The following SLC33A1 variants were observed in gnomAD, a reference collection of about 807,000 sequenced individuals.
SLC33A1 encodes solute carrier family 33 member 1, also known as acetyl-coenzyme A transporter 1.
A neutral mutation model predicts 50.0 loss-of-function variants in SLC33A1; 20 were observed. The ratio of observed to expected loss-of-function variants is 0.40; its 90% CI spans 0.28 to 0.58. The LOEUF (loss-of-function observed/expected upper bound fraction) is 0.58. Ranked by LOEUF, SLC33A1 falls within the 20% of genes least tolerant of loss-of-function variation. The pLI, the probability that SLC33A1 is intolerant of heterozygous loss-of-function variation, is 0.44. For synonymous variants in SLC33A1, 265 were observed against 251.8 expected (o/e 1.05, Z -0.50); for missense variants, 476 against 657.0 (o/e 0.72, Z 3.01).
chr3:155,833,087 A>G (rs1752509669), intron 4 of SLC33A1, among the ~76,000 whole-genome samples: 1 of 152,020 alleles, frequency 6.6e-6, no homozygotes, highest in Non-Finnish European at 1.5e-5. Context: ...TATCTCTACT[A>G]AAAATACAAA....
In SLC33A1 at chr3:155,854,148, C is replaced by T. The variant is rs2108020211; in HGVS notation, c.-151G>A. 3.5e-6 allele frequency: 2 copies of T among 574,354 alleles called. No homozygotes were observed. The highest frequency in any genetic ancestry group is 3.3e-5 in the South Asian group (1 of 30,336). The allele number at this position is 574,354 out of a possible 1,614,324, so 35.6% of individuals were successfully genotyped here. A position where few individuals can be genotyped will look rare whatever the true frequency, so the allele number is the denominator to read the frequency against. The stretch of plus-strand genomic sequence containing the variant: ...CTCAGAGCGATAAGGGCACTTCTTA[C>T]TGCAGCCCGGAGTGCTGAAGCCGGG... On this transcript the variant is annotated 5_prime_UTR_variant, in exon 1 of 6. Transcript: ENST00000643144.
chr3:155,835,802 G>A (rs1275771901), intron 2 of SLC33A1, among the ~76,000 whole-genome samples: 1 of 151,822 alleles, frequency 6.6e-6, no homozygotes, highest in Non-Finnish European at 1.5e-5. Context: ...CACAGATCTG[G>A]CAACACATTT....
chr3:155,844,015 CTGATCA>C (rs1753029434), intron 1 of SLC33A1, among the ~76,000 whole-genome samples: 1 of 152,142 alleles, frequency 6.6e-6, no homozygotes, highest in Non-Finnish European at 1.5e-5. Flanking sequence ...TGTGGCACAA[CTGATCA>C]AGGACCCTAA....
At chr3:155,828,421 G>A in intron 5 of SLC33A1, 44 bp from the exon 6 acceptor site, 3 of 1,204,172 alleles carry the variant, frequency 2.5e-6, no homozygotes, top group Non-Finnish European at 3.7e-6. Context: ...ATTTCAAAAT[G>A]AAAGTATTTA....
Position 155,825,641 on chromosome 3 carries a change from C to T in SLC33A1, c.*2569G>A, listed in dbSNP as rs1752180523. 6.6e-6 allele frequency: 1 copy of T among 152,186 alleles called. No homozygotes were observed. The highest frequency in any genetic ancestry group is 2.1e-4 in the South Asian group (1 of 4,830). 9.4% of individuals were successfully genotyped at this position (152,186 alleles called of 1,614,324 possible). A position where few individuals can be genotyped will look rare whatever the true frequency, so the allele number is the denominator to read the frequency against. ...TAATCTCAGAAGAACTTTTCAAACT[C>T]AGATGTATATATGCGGCAACCAATG... On this transcript the variant is annotated 3_prime_UTR_variant, in exon 6 of 6. Transcript: ENST00000643144.
chr3:155,822,040 T>C lies in SLC33A1; in HGVS notation c.*6170A>G, dbSNP rs764854019. 4 of 152,014 alleles carry C rather than the reference T, an allele frequency of 2.6e-5. No individual in the cohort carries two copies. Among genetic ancestry groups the C allele is most frequent in the African/African-American group, 4.8e-5 (2 of 41,406 alleles). The allele number at this position is 152,014 out of a possible 1,614,324, so 9.4% of individuals were successfully genotyped here. A position where few individuals can be genotyped will look rare whatever the true frequency, so the allele number is the denominator to read the frequency against. ...CTCCTGCCTAAGCCTCCCAAACTAA[T>C]GGGACTACAGGTGTAAGCCAACACA... is the stretch of plus-strand genomic sequence containing the variant. On this transcript the variant is annotated 3_prime_UTR_variant, in exon 6 of 6. Transcript: ENST00000643144.
In SLC33A1 at chr3:155,828,134, G is replaced by A. The variant is rs1355441331; in HGVS notation, c.*76C>T. The A allele has an allele frequency of 3.9e-6, 4 of 1,017,296 alleles. No homozygotes were observed. Among genetic ancestry groups the A allele is most frequent in the South Asian group, 1.3e-5 (1 of 78,636 alleles). 63.0% of individuals were successfully genotyped at this position (1,017,296 alleles called of 1,614,324 possible). ...GTTTAAAATAATATTTTATACTCCT[G>A]TGCACTGATTATCATTGCTCTCCGA... On this transcript the variant is annotated 3_prime_UTR_variant, in exon 6 of 6. Transcript: ENST00000643144.
In SLC33A1 at chr3:155,835,805, A is replaced by G. The variant is rs1399430314; in HGVS notation, c.964-1764T>C. ...CTTGCATTTCACCACAGATCTGGCA[A>G]CACATTTTTCCAGGACACCTCTCTG... On this transcript the variant is annotated intron_variant, in intron 2 of 5. Coordinates refer to ENST00000643144, the MANE Select transcript of SLC33A1 (RefSeq NM_004733.4). Among the ~76,000 whole-genome samples the G allele has an allele frequency of 4.6e-5, 7 of 152,190 alleles. No homozygotes were observed. In the East Asian group the frequency reaches 1.4e-3, roughly 29 times the overall value.
At position 155,829,570 on chromosome 3, in the gene SLC33A1, A is replaced by G. The variant is rs929263973; in HGVS notation, c.1482+118T>C. Reference sequence around the variant, plus strand: ...AAGAAAATATATATGTAGATTTCTAAACCAGAACCTATGGACAGATATGAT... The same window carrying G: ...AAGAAAATATATATGTAGATTTCTAGACCAGAACCTATGGACAGATATGAT... On this transcript the variant is annotated intron_variant, in intron 5 of 5. Transcript: ENST00000643144. 1.5e-5 allele frequency: 11 copies of G among 756,762 alleles called. No individual in the cohort carries two copies. The East Asian group carries it at 2.9e-4, about 20-fold the overall frequency. The allele number at this position is 756,762 out of a possible 1,614,324, so 46.9% of individuals were successfully genotyped here.
chr3:155,853,076 A>G, intron 1 of SLC33A1, 147 bp downstream of exon 1: 1 of 708,748 alleles, frequency 1.4e-6, no homozygotes, highest in Non-Finnish European at 2.4e-6. Context: ...AATATTTCAA[A>G]GAAGCTCATT....
intron 4 of SLC33A1, among the ~76,000 whole-genome samples, chr3:155,832,133 T>G (rs1752461483): frequency 6.6e-6 from 1 of 152,112 alleles, no homozygotes; most frequent in Non-Finnish European, 1.5e-5. Flanking sequence ...ATCCCAGCAC[T>G]CTGGGAGGCT....
intron 5 of SLC33A1, 110 bp downstream of exon 5, chr3:155,829,578 C>T (rs181426789): frequency 1.3e-6 from 1 of 797,658 alleles, no homozygotes; most frequent in Admixed American, 2.1e-5. Context: ...TAAACCAGAA[C>T]CTATGGACAG....
In SLC33A1 at chr3:155,824,661, G is replaced by A. The variant is rs1752162518; in HGVS notation, c.*3549C>T. 1 of 151,590 alleles carries A rather than the reference G, an allele frequency of 6.6e-6. No individual in the cohort carries two copies. Among genetic ancestry groups the A allele is most frequent in the African/African-American group, 2.4e-5 (1 of 41,210 alleles). 9.4% of individuals were successfully genotyped at this position (151,590 alleles called of 1,614,324 possible). A position where few individuals can be genotyped will look rare whatever the true frequency, so the allele number is the denominator to read the frequency against. ...AAACACTTTCACAACTATTACCTCA[G>A]ATTTGTGATTATGGCTTATAGTACG... is the stretch of plus-strand genomic sequence containing the variant. On this transcript the variant is annotated 3_prime_UTR_variant, in exon 6 of 6. Transcript: ENST00000643144.
intron 2 of SLC33A1, among the ~76,000 whole-genome samples, chr3:155,837,552 G>A (rs1193807229): frequency 1.3e-5 from 2 of 152,008 alleles, no homozygotes; most frequent in East Asian, 3.9e-4. Context: ...TGAGAAATGT[G>A]CACCTATCTT....
intron 1 of SLC33A1, among the ~76,000 whole-genome samples, chr3:155,852,024 T>C (rs1438680385): frequency 6.6e-6 from 1 of 152,208 alleles, no homozygotes; most frequent in Non-Finnish European, 1.5e-5. Context: ...GTTGCTTAAA[T>C]TTCAAAACAG....
At chr3:155,847,317 T>C (rs1346050761) in intron 1 of SLC33A1, among the ~76,000 whole-genome samples, 1 of 152,224 alleles carries the variant, frequency 6.6e-6, no homozygotes, top group Non-Finnish European at 1.5e-5. Context: ...GAATACCTGG[T>C]CTATCTAGAA....
At position 155,822,146 on chromosome 3, in the gene SLC33A1, TA is replaced by T. The variant is rs979010834; in HGVS notation, c.*6063del. ...TCTCTAATTTTATAGGGGCAGGTGA[TA>T]AAAAAATTTCAATTTCACTAACTCT... On this transcript the variant is annotated 3_prime_UTR_variant, in exon 6 of 6. Coordinates refer to ENST00000643144, the MANE Select transcript of SLC33A1 (RefSeq NM_004733.4). The T allele has an allele frequency of 2.0e-5, 3 of 152,164 alleles. No individual in the cohort carries two copies. Among genetic ancestry groups the T allele is most frequent in the Non-Finnish European group, 4.4e-5 (3 of 68,030 alleles). The allele number at this position is 152,164 out of a possible 1,614,324, so 9.4% of individuals were successfully genotyped here.
chr3:155,839,293 T>A (rs1281481955), intron 2 of SLC33A1, among the ~76,000 whole-genome samples: 1 of 44,146 alleles, frequency 2.3e-5, no homozygotes, highest in Non-Finnish European at 5.0e-5. Context: ...CAAGTGAAAC[T>A]CCGCCTCAAA....
chr3:155,836,280 C>CAAAAAAAAAAAAAAAAAAAAAAAA (rs57460942), intron 2 of SLC33A1, among the ~76,000 whole-genome samples: 3 of 27,168 alleles, frequency 1.1e-4, no homozygotes, highest in African/African-American at 1.4e-4. Flanking sequence ...GAGACTCTGT[C>CAAAAAAAAAAAAAAAAAAAAAAAA]AAAAAAAAAA....
Sources: gnomAD v4.1 joint callset for allele counts (sites outside exome capture counted in the v4.1 genomes callset) on GRCh38, gnomAD v4.1.1 for gene constraint, MANE v1.5 for transcripts, NCBI Gene and HGNC (gene_info 2026-07-23, HGNC 2026-07-21) for gene names.